DCHS2: variants seen among roughly 807,000 people sequenced by gnomAD.
DCHS2 encodes the protein protocadherin-23.
A neutral mutation model predicts 182.4 loss-of-function variants in DCHS2; 142 were observed. The observed-to-expected ratio is 0.78, with a 90% CI of 0.68 to 0.89. DCHS2 has a LOEUF of 0.89. Among genes scored for constraint, DCHS2 ranks in the 40% least tolerant of loss-of-function variants. The pLI is 0.00. For missense variants in DCHS2, 4,319 were observed against 4,198.6 expected, an observed-to-expected ratio of 1.03 and a Z score of -0.79; for synonymous variants, 1,740 against 1,663.3, an observed-to-expected ratio of 1.05 and a Z score of -1.12.
chr4:154,407,983 G>T (rs1435677660), intron 1 of DCHS2, among the ~76,000 whole-genome samples: 1 of 149,522 alleles, frequency 6.7e-6, no homozygotes, highest in South Asian at 2.2e-4. Flanking sequence ...CCCACCCCAA[G>T]TACCGTCCAC....
intron 1 of DCHS2, among the ~76,000 whole-genome samples, chr4:154,404,077 T>C (rs1274463857): frequency 2.0e-5 from 3 of 152,100 alleles, no homozygotes; most frequent in Non-Finnish European, 4.4e-5. Context: ...CTTCATAGGA[T>C]TTCCTCTTTG....
intron 1 of DCHS2, among the ~76,000 whole-genome samples, chr4:154,445,698 A>T (rs1213909657): frequency 6.6e-6 from 1 of 151,580 alleles, no homozygotes; most frequent in Admixed American, 6.6e-5. Flanking sequence ...GTGGTCCCAG[A>T]TACTAGGGAG....
chr4:154,364,671 C>T (rs146124560), intron 3 of DCHS2, among the ~76,000 whole-genome samples: 62 of 152,270 alleles, frequency 4.1e-4, no homozygotes, highest in African/African-American at 1.2e-3. Context: ...GCAGAAGCAG[C>T]GGCTCTCTAC....
At chr4:154,427,337 C>T (rs549869442) in intron 1 of DCHS2, among the ~76,000 whole-genome samples, 2 of 152,202 alleles carry the variant, frequency 1.3e-5, no homozygotes, top group African/African-American at 2.4e-5. Context: ...CAGCCACTCA[C>T]AGGTGAAATG....
At chr4:154,294,471 A>T (rs1353352023) in intron 13 of DCHS2, among the ~76,000 whole-genome samples, 2 of 152,070 alleles carry the variant, frequency 1.3e-5, no homozygotes, top group African/African-American at 2.4e-5. Flanking sequence ...TATGAGCCCC[A>T]CTCAGTATTT....
chr4:154,461,260 A>C (rs1734999291), intron 1 of DCHS2, among the ~76,000 whole-genome samples: 1 of 152,204 alleles, frequency 6.6e-6, no homozygotes, highest in African/African-American at 2.4e-5. Flanking sequence ...TCTTCTATGA[A>C]ATATCATTTC....
chr4:154,427,842 A>C (rs908216789), intron 1 of DCHS2, among the ~76,000 whole-genome samples: 1 of 152,208 alleles, frequency 6.6e-6, no homozygotes, highest in Non-Finnish European at 1.5e-5. Flanking sequence ...TATCTGTAAA[A>C]CGGAAAATAT....
intron 1 of DCHS2, among the ~76,000 whole-genome samples, chr4:154,433,129 T>C (rs1447702099): frequency 6.6e-6 from 1 of 152,088 alleles, no homozygotes; most frequent in Non-Finnish European, 1.5e-5. Flanking sequence ...TGACTGAATT[T>C]TTATTTATAA....
At chr4:154,316,097 A>C (rs1457759683) in intron 9 of DCHS2, 110 bp from the exon 10 acceptor site, 81 of 1,481,638 alleles carry the variant, frequency 5.5e-5, no homozygotes, top group Non-Finnish European at 7.0e-5. Context: ...AGAAGTCTTA[A>C]CTGCTAAAAT....
intron 1 of DCHS2, among the ~76,000 whole-genome samples, chr4:154,420,988 T>A (rs1733087032): frequency 6.6e-6 from 1 of 152,156 alleles, no homozygotes; most frequent in Non-Finnish European, 1.5e-5. Flanking sequence ...CTACTGCATA[T>A]AATATATACA....
chr4:154,238,363 T>G (rs1235959787), intron 19 of DCHS2, among the ~76,000 whole-genome samples: 3 of 152,206 alleles, frequency 2.0e-5, no homozygotes, highest in Non-Finnish European at 4.4e-5. Flanking sequence ...AAATGAACTC[T>G]CACTTGTGAA....
At chr4:154,345,486 T>C (rs932512476) in intron 3 of DCHS2, among the ~76,000 whole-genome samples, 1 of 152,254 alleles carries the variant, frequency 6.6e-6, no homozygotes, top group African/African-American at 2.4e-5. Context: ...AACGTCACCT[T>C]GTTCACATGT....
At chr4:154,357,319 A>G in intron 3 of DCHS2, 1 of 1,608,722 alleles carries the variant, frequency 6.2e-7, no homozygotes, top group Non-Finnish European at 8.5e-7. Flanking sequence ...TCTGGACTAT[A>G]GAGTCCTAAT....
At chr4:154,306,697 C>A (rs756815379) in intron 10 of DCHS2, among the ~76,000 whole-genome samples, 1 of 152,036 alleles carries the variant, frequency 6.6e-6, no homozygotes, top group Non-Finnish European at 1.5e-5. Flanking sequence ...ATTATATATA[C>A]ACCATTTCAT....
chr4:154,263,846 A>G (rs1733107121), intron 14 of DCHS2, among the ~76,000 whole-genome samples: 1 of 152,168 alleles, frequency 6.6e-6, no homozygotes, highest in South Asian at 2.1e-4. Flanking sequence ...ATATGATCAC[A>G]GAAGGATTAC....
chr4:154,454,131 G>A lies in DCHS2; in HGVS notation c.2052+35173C>T, dbSNP rs560277498. Among the ~76,000 whole-genome samples, 101 of 70,658 alleles carry A rather than the reference G, an allele frequency of 1.4e-3. No individual in the cohort carries two copies. The East Asian group carries it at 0.051, about 36-fold the overall frequency. 46.4% of individuals were successfully genotyped at this position (70,658 alleles called of 152,430 possible). On this transcript the variant is annotated intron_variant, in intron 1 of 19. Coordinates refer to ENST00000357232, the MANE Select transcript of DCHS2 (RefSeq NM_001358235.2). Reference sequence around the variant, plus strand: ...TCAAATAGCATTTATACACACATGCGCGCGCACACACACACACACACACAC... The same window carrying A: ...TCAAATAGCATTTATACACACATGCACGCGCACACACACACACACACACAC...
intron 10 of DCHS2, among the ~76,000 whole-genome samples, chr4:154,309,886 A>G (rs1472833434): frequency 2.0e-5 from 3 of 152,234 alleles, no homozygotes; most frequent in Non-Finnish European, 2.9e-5. Flanking sequence ...AAAAAGGACT[A>G]TGATGCAGAA....
chr4:154,400,310 A>T (rs1382811460), intron 1 of DCHS2, among the ~76,000 whole-genome samples: 1 of 151,190 alleles, frequency 6.6e-6, no homozygotes, highest in African/African-American at 2.4e-5. Flanking sequence ...CTCAAAAAAA[A>T]AAAAAAAGGA....
chr4:154,401,398 T>G (rs919240264), intron 1 of DCHS2, among the ~76,000 whole-genome samples: 2 of 152,172 alleles, frequency 1.3e-5, no homozygotes, highest in African/African-American at 4.8e-5. Flanking sequence ...GGAGCAGAAT[T>G]GGAGGGTCAT....
Sources: allele counts gnomAD v4.1 joint callset (sites outside exome capture counted in the v4.1 genomes callset), GRCh38; gene constraint gnomAD v4.1.1; transcripts MANE v1.5; gene names NCBI Gene and HGNC (gene_info 2026-07-23, HGNC 2026-07-21).